Variants in KCNJ1 observed in about 807,000 individuals in gnomAD.
KCNJ1 encodes ATP-sensitive inward rectifier potassium channel 1.
A neutral mutation model predicts 21.9 loss-of-function variants in KCNJ1; 24 were observed. The observed-to-expected ratio is 1.10, with a 90% CI of 0.79 to 1.54. The LOEUF is 1.54. KCNJ1 is among the 40% of genes most tolerant of loss of function. The probability of loss-of-function intolerance (pLI) is 0.00; values close to 1 mark genes in which losing one functional copy is unlikely to be tolerated. For missense variants in KCNJ1, 457 were observed against 455.4 expected (o/e 1.00, Z -0.03); for synonymous variants, 152 against 160.9 (o/e 0.94, Z 0.42).
intron 2 of KCNJ1, among the ~76,000 whole-genome samples, chr11:128,846,399 G>A (rs1411026712): frequency 6.6e-6 from 1 of 152,128 alleles, no homozygotes; most frequent in Non-Finnish European, 1.5e-5. Context: ...AACTAGCATG[G>A]CAGTTTAATC....
chr11:128,848,911 C>T (rs1464261296), intron 2 of KCNJ1, among the ~76,000 whole-genome samples: 2 of 152,154 alleles, frequency 1.3e-5, no homozygotes, highest in Non-Finnish European at 2.9e-5. Context: ...ATAACAGTCT[C>T]CAGAGAGTGT....
chr11:128,850,374 T>A (rs2135950158), intron 2 of KCNJ1, among the ~76,000 whole-genome samples: 1 of 152,354 alleles, frequency 6.6e-6, no homozygotes, highest in South Asian at 2.1e-4. Flanking sequence ...ACTGATACAT[T>A]TACTTTTGTG....
intron 1 of KCNJ1, among the ~76,000 whole-genome samples, chr11:128,866,126 T>C (rs80175230): frequency 0.032 from 4,838 of 152,210 alleles, 263 homozygotes; most frequent in African/African-American, 0.11. Flanking sequence ...CACTAAACAG[T>C]GTAGAGTAAG....
In KCNJ1 at chr11:128,839,863, G is replaced by T; in HGVS notation, c.381C>A (p.Phe127Leu). ...TGGCACACTGTTCTGTCACACACCT[G>T]AATCCATATCCAATGGTCACTTGAG... ...LETQVTIGYGFRCVTEQCATA... is the reference protein window; with the variant it reads ...LETQVTIGYGLRCVTEQCATA... Residue 127 changes from phenylalanine to leucine, a missense_variant, in exon 3 of 3, where the codon TTC becomes TTA. Coordinates refer to ENST00000392666, the MANE Select transcript of KCNJ1 (RefSeq NM_153766.3). 1 of 1,614,184 alleles carries T rather than the reference G, an allele frequency of 6.2e-7. No individual in the cohort carries two copies.
At chr11:128,849,534 G>T (rs1022517815) in intron 2 of KCNJ1, among the ~76,000 whole-genome samples, 2 of 152,194 alleles carry the variant, frequency 1.3e-5, no homozygotes, top group African/African-American at 4.8e-5. Flanking sequence ...CGATGGAGAG[G>T]GCAGCAGGTA....
chr11:128,856,280 C>G (rs1943589192), intron 1 of KCNJ1, among the ~76,000 whole-genome samples: 2 of 152,158 alleles, frequency 1.3e-5, no homozygotes, highest in African/African-American at 4.8e-5. Context: ...TGCAATTGTG[C>G]CAGACCAACT....
chr11:128,849,294 G>A (rs1943441287), intron 2 of KCNJ1, among the ~76,000 whole-genome samples: 1 of 152,154 alleles, frequency 6.6e-6, no homozygotes, highest in Non-Finnish European at 1.5e-5. Flanking sequence ...TAACACAGTT[G>A]GTAAACAATG....
At chr11:128,864,212 G>A (rs920854390) in intron 1 of KCNJ1, among the ~76,000 whole-genome samples, 1 of 150,154 alleles carries the variant, frequency 6.7e-6, no homozygotes, top group Admixed American at 6.7e-5. Context: ...TCAGCCCCCT[G>A]AGAAGCTGGG....
Position 128,840,609 on chromosome 11 carries a change from T to C in KCNJ1, c.-21-345A>G, listed in dbSNP as rs529221676. Among the ~76,000 whole-genome samples the C allele has an allele frequency of 1.0e-3, 154 of 152,340 alleles. 1 individual carries two copies. The highest frequency in any genetic ancestry group is 3.6e-3 in the African/African-American group (150 of 41,580). ...ACCAATTATGACCTGTATTTTTATT[T>C]ATTGAATATTACTTAAATCACCTTC... On this transcript the variant is annotated intron_variant, in intron 2 of 2. Transcript: ENST00000392666.
At chr11:128,840,373 G>C in intron 2 of KCNJ1, 109 bp from the exon 3 acceptor site, 2 of 1,059,696 alleles carry the variant, frequency 1.9e-6, no homozygotes, top group South Asian at 2.7e-5. Context: ...AAATTATCTG[G>C]GTTACTAATC....
At chr11:128,858,988 T>C (rs1488723545) in intron 1 of KCNJ1, among the ~76,000 whole-genome samples, 1 of 152,212 alleles carries the variant, frequency 6.6e-6, no homozygotes, top group Non-Finnish European at 1.5e-5. Flanking sequence ...TCTTATGTGA[T>C]TGAAGGCACA....
chr11:128,840,192 G>A lies in KCNJ1; in HGVS notation c.52C>T (p.Arg18Trp), dbSNP rs1287012856. 5.0e-6 allele frequency: 8 copies of A among 1,613,988 alleles called. No homozygotes were observed. Among genetic ancestry groups the A allele is most frequent in the East Asian group, 2.2e-5 (1 of 44,902 alleles). Residue 18 changes from arginine to tryptophan, a missense_variant, in exon 3 of 3, where the codon CGG becomes TGG. Arg to Trp is a moderately radical substitution (Grantham distance 101, BLOSUM62 -3). Coordinates refer to ENST00000392666, the MANE Select transcript of KCNJ1 (RefSeq NM_153766.3). ...TTGGAGACTAGCCTTGCTCTTTGCC[G>A]AGAATGCCCAAAAAAGCGAGTGACG... ...WVVTRFFGHS[R>W]QRARLVSKDG...
intron 1 of KCNJ1, among the ~76,000 whole-genome samples, chr11:128,853,043 A>G (rs1234807431): frequency 1.3e-5 from 2 of 152,214 alleles, no homozygotes; most frequent in Non-Finnish European, 2.9e-5. Context: ...CTTTATTTCC[A>G]CTTATTTGCC....
intron 1 of KCNJ1, among the ~76,000 whole-genome samples, chr11:128,859,368 C>T (rs981986121): frequency 4.6e-5 from 7 of 152,208 alleles, no homozygotes. Flanking sequence ...ATCCTCCCGC[C>T]TCAGCCTCCC....
chr11:128,862,232 T>C (rs1022564336), intron 1 of KCNJ1, among the ~76,000 whole-genome samples: 1 of 151,862 alleles, frequency 6.6e-6, no homozygotes, highest in Non-Finnish European at 1.5e-5. Flanking sequence ...AAAATCCGAG[T>C]GCGGCACGGG....
At chr11:128,840,461 A>ACT (rs1269427798) in intron 2 of KCNJ1, among the ~76,000 whole-genome samples, 197 bp from the exon 3 acceptor site, 1 of 152,196 alleles carries the variant, frequency 6.6e-6, no homozygotes, top group Non-Finnish European at 1.5e-5. Context: ...AGACCATGTT[A>ACT]CTCAAACATA....
intron 2 of KCNJ1, among the ~76,000 whole-genome samples, chr11:128,849,024 G>C (rs756843740): frequency 6.6e-6 from 1 of 152,184 alleles, no homozygotes; most frequent in African/African-American, 2.4e-5. Context: ...CCTGGAGCAC[G>C]ATGCCAGCGG....
At chr11:128,845,941 G>A (rs1448623196) in intron 2 of KCNJ1, among the ~76,000 whole-genome samples, 2 of 152,184 alleles carry the variant, frequency 1.3e-5, no homozygotes, top group African/African-American at 4.8e-5. Flanking sequence ...GGGAAAAAGG[G>A]CTGAAGCATC....
chr11:128,852,333 C>T (rs553450753), intron 1 of KCNJ1, among the ~76,000 whole-genome samples: 17 of 152,302 alleles, frequency 1.1e-4, no homozygotes, highest in South Asian at 4.1e-4. Context: ...GTGCAGGCTG[C>T]AATAGCATCC....
Sources: gnomAD v4.1 joint callset for allele counts (sites outside exome capture counted in the v4.1 genomes callset) on GRCh38, gnomAD v4.1.1 for gene constraint, MANE v1.5 for transcripts, NCBI Gene and HGNC (gene_info 2026-07-23, HGNC 2026-07-21) for gene names.